Variants in TXNDC16 observed in about 807,000 individuals in gnomAD.
TXNDC16 encodes the protein thioredoxin domain containing 16.
Under a neutral mutation model 85.6 loss-of-function variants are expected in TXNDC16, and 74 were observed. That is an observed-to-expected ratio of 0.86 (90% confidence interval 0.72 to 1.05). TXNDC16 has a LOEUF of 1.05. Among genes scored for constraint, TXNDC16 ranks in the 50% least tolerant of loss-of-function variants. TXNDC16 has a pLI of 0.00. For synonymous variants in TXNDC16, 335 were observed against 326.5 expected, an observed-to-expected ratio of 1.03 and a Z score of -0.28; for missense variants, 959 against 947.0, an observed-to-expected ratio of 1.01 and a Z score of -0.17.
chr14:52,442,448 A>C (rs956042755), intron 18 of TXNDC16, among the ~76,000 whole-genome samples: 1 of 152,126 alleles, frequency 6.6e-6, no homozygotes, highest in Admixed American at 6.6e-5. Context: ...ATTCAGATGA[A>C]CTTGTTTTTA....
At chr14:52,471,290 C>A (rs76294108) in intron 14 of TXNDC16, among the ~76,000 whole-genome samples, 13,095 of 152,200 alleles carry the variant, frequency 0.086, 619 homozygotes, top group East Asian at 0.14. Flanking sequence ...TAATTACTGT[C>A]CATTTCTCTT....
intron 9 of TXNDC16, among the ~76,000 whole-genome samples, chr14:52,495,623 C>A (rs1007420051): frequency 6.6e-6 from 1 of 152,068 alleles, no homozygotes; most frequent in African/African-American, 2.4e-5. Context: ...AGGAGTGAAC[C>A]TCTTTTGCAT....
At chr14:52,486,281 CTT>C (rs35703912) in intron 12 of TXNDC16, among the ~76,000 whole-genome samples, 76 of 114,374 alleles carry the variant, frequency 6.6e-4, no homozygotes, top group African/African-American at 2.0e-3. Context: ...ACACATGCTG[CTT>C]TTTTTTTTTT....
chr14:52,515,255 A>G (rs1343978393), intron 7 of TXNDC16, among the ~76,000 whole-genome samples: 1 of 152,196 alleles, frequency 6.6e-6, no homozygotes, highest in African/African-American at 2.4e-5. Context: ...AGTAGTAGGG[A>G]AAAGAATATG....
At chr14:52,499,335 G>C (rs1323652086) in intron 9 of TXNDC16, among the ~76,000 whole-genome samples, 1 of 151,984 alleles carries the variant, frequency 6.6e-6, no homozygotes, top group African/African-American at 2.4e-5. Context: ...ACTTCTAATA[G>C]AGTAAAAAGA....
chr14:52,498,627 C>T (rs2036587334), intron 9 of TXNDC16, among the ~76,000 whole-genome samples: 1 of 151,924 alleles, frequency 6.6e-6, no homozygotes, highest in Non-Finnish European at 1.5e-5. Flanking sequence ...GTAAAAGACC[C>T]TTATACTGAA....
At chr14:52,450,093 CAGAAATAAA>C (rs1273092542) in intron 18 of TXNDC16, among the ~76,000 whole-genome samples, 2 of 151,672 alleles carry the variant, frequency 1.3e-5, no homozygotes, top group Admixed American at 6.6e-5. Flanking sequence ...AAGATCAGGG[CAGAAATAAA>C]TGAAATTGAA....
At position 52,450,853 on chromosome 14, in the gene TXNDC16, TTATATATATATATATA is replaced by T. The variant is rs71125107; in HGVS notation, c.1842+4455_1842+4470del. On this transcript the variant is annotated intron_variant, in intron 18 of 20. Coordinates refer to ENST00000281741, the MANE Select transcript of TXNDC16 (RefSeq NM_020784.3). Reference sequence around the variant, plus strand: ...CAACAAGTGGATAAGAAAATGTGTTTTATATATATATATATATATATATATATACACACACACACAC... The same window carrying T: ...CAACAAGTGGATAAGAAAATGTGTTTTATATATATATACACACACACACAC... Among the ~76,000 whole-genome samples, 114 of 145,130 alleles carry T rather than the reference TTATATATATATATATA, an allele frequency of 7.9e-4. 1 individual carries two copies. Among genetic ancestry groups the T allele is most frequent in the Admixed American group, 1.5e-3 (21 of 14,454 alleles).
At chr14:52,458,215 T>C (rs1286354233) in intron 16 of TXNDC16, among the ~76,000 whole-genome samples, 3 of 152,148 alleles carry the variant, frequency 2.0e-5, no homozygotes, top group African/African-American at 7.2e-5. Context: ...GCAAACTTAC[T>C]AGAGTAGCTC....
rs2034892340 is a variant in TXNDC16, at chr14:52,431,431, A to G, written c.*873T>C. The G allele has an allele frequency of 1.3e-5, 2 of 152,216 alleles. No homozygotes were observed. The highest frequency in any genetic ancestry group is 2.1e-4 in the South Asian group (1 of 4,834). 9.4% of individuals were successfully genotyped at this position (152,216 alleles called of 1,614,324 possible). ...TCCCATCACTTTCTGAAAATATTAG[A>G]AAAGATCAAGTTGTATCCAGGTAAT... On this transcript the variant is annotated 3_prime_UTR_variant, in exon 21 of 21. Transcript: ENST00000281741.
At chr14:52,512,690 A>G (rs1435150228) in intron 8 of TXNDC16, among the ~76,000 whole-genome samples, 6 of 152,228 alleles carry the variant, frequency 3.9e-5, no homozygotes, top group East Asian at 3.8e-4. Flanking sequence ...TTTGAAGTTT[A>G]TAAGAGAATC....
At chr14:52,468,104 A>T (rs2035818777) in intron 16 of TXNDC16, among the ~76,000 whole-genome samples, 1 of 152,188 alleles carries the variant, frequency 6.6e-6, no homozygotes, top group African/African-American at 2.4e-5. Context: ...AGGAGGATGA[A>T]ATGAAAAGCT....
chr14:52,475,171 C>T (rs1044760153), intron 14 of TXNDC16, among the ~76,000 whole-genome samples: 2 of 152,200 alleles, frequency 1.3e-5, no homozygotes, highest in Admixed American at 1.3e-4. Flanking sequence ...TCCCTGTGGA[C>T]TAGCTGGGTC....
At chr14:52,478,398 T>C (rs2036066482) in intron 14 of TXNDC16, among the ~76,000 whole-genome samples, 1 of 151,972 alleles carries the variant, frequency 6.6e-6, no homozygotes, top group African/African-American at 2.4e-5. Context: ...GCTGGTTCTT[T>C]GCAAAGAAAA....
rs369507408 is a variant in TXNDC16, at chr14:52,457,785, A to G, written c.1619-611T>C. 5.9e-5 allele frequency among the ~76,000 whole-genome samples: 9 copies of G among 152,378 alleles called. No homozygotes were observed. The East Asian group carries it at 1.7e-3, about 29-fold the overall frequency. On this transcript the variant is annotated intron_variant, in intron 16 of 20. Transcript: ENST00000281741. ...ATTTGTTAGGATACACATATTCAAAATACAAGCTATTTCTACAAATTTCTG... is the reference window on the plus strand; with the variant it reads ...ATTTGTTAGGATACACATATTCAAAGTACAAGCTATTTCTACAAATTTCTG...
intron 20 of TXNDC16, 69 bp from the exon 21 acceptor site, chr14:52,432,656 A>G (rs754738810): frequency 2.4e-4 from 327 of 1,344,762 alleles, no homozygotes; most frequent in Non-Finnish European, 3.0e-4. Context: ...ATATTAGAAA[A>G]TGTTTTATTT....
chr14:52,540,254 T>C (rs2037798313), intron 4 of TXNDC16, among the ~76,000 whole-genome samples: 1 of 152,254 alleles, frequency 6.6e-6, no homozygotes, highest in Admixed American at 6.5e-5. Flanking sequence ...CAATCTTAAA[T>C]GCTGCTTTTT....
At chr14:52,448,391 C>T (rs1488806643) in intron 18 of TXNDC16, among the ~76,000 whole-genome samples, 1 of 148,332 alleles carries the variant, frequency 6.7e-6, no homozygotes, top group African/African-American at 2.5e-5. Flanking sequence ...ATTTAAAGTG[C>T]TAAATTAAAA....
At chr14:52,457,032 G>T in intron 17 of TXNDC16, 58 bp downstream of exon 17, 2 of 1,178,322 alleles carry the variant, frequency 1.7e-6, no homozygotes, top group South Asian at 1.4e-5. Flanking sequence ...GCAATTATTA[G>T]ATAACATTAT....
Sources: gnomAD v4.1 joint callset for allele counts (sites outside exome capture counted in the v4.1 genomes callset) on GRCh38, gnomAD v4.1.1 for gene constraint, MANE v1.5 for transcripts, NCBI Gene and HGNC (gene_info 2026-07-23, HGNC 2026-07-21) for gene names.